The following RNLS variants were observed in gnomAD, a reference collection of about 807,000 sequenced individuals.
RNLS encodes the protein renalase.
Under a neutral mutation model 39.8 loss-of-function variants are expected in RNLS, and 39 were observed. The observed-to-expected ratio is 0.98, with a 90% confidence interval of 0.76 to 1.28. The LOEUF is 1.28. Ranked by LOEUF, RNLS falls within the 50% of genes most tolerant of loss-of-function variation. The pLI, the probability that RNLS is intolerant of heterozygous loss-of-function variation, is 0.00. For missense variants in RNLS, 410 were observed against 413.3 expected (o/e 0.99, Z 0.07); for synonymous variants, 147 against 150.7 (o/e 0.98, Z 0.18).
At chr10:88,538,939 A>G (rs777152206) in intron 4 of RNLS, among the ~76,000 whole-genome samples, 2 of 152,156 alleles carry the variant, frequency 1.3e-5, no homozygotes, top group Non-Finnish European at 2.9e-5. Context: ...TTATGACTTC[A>G]TTTTGTTTTC....
intron 4 of RNLS, among the ~76,000 whole-genome samples, chr10:88,475,305 A>G (rs1843750443): frequency 6.6e-6 from 1 of 152,220 alleles, no homozygotes; most frequent in East Asian, 1.9e-4. Context: ...ATCAAACTCA[A>G]GAGAAAGGCA....
chr10:88,257,272 G>T, the RNLS span, among the ~76,000 whole-genome samples: 1 of 152,302 alleles, frequency 6.6e-6, no homozygotes, highest in Admixed American at 6.5e-5. Context: ...TAAGTTAAAT[G>T]ATTGTAAAAC....
At chr10:88,298,177 T>TA (rs1707539265) in intron 6 of RNLS, among the ~76,000 whole-genome samples, 1 of 152,142 alleles carries the variant, frequency 6.6e-6, no homozygotes, top group Non-Finnish European at 1.5e-5. Context: ...TTGGTTTTTT[T>TA]ATTTTTATTT....
chr10:88,201,273 G>A, the RNLS span, among the ~76,000 whole-genome samples: 1 of 152,150 alleles, frequency 6.6e-6, no homozygotes, highest in Non-Finnish European at 1.5e-5. Flanking sequence ...GAAATTTTCT[G>A]ACATTCCTTC....
At chr10:88,350,329 C>G (rs1331238269) in intron 5 of RNLS, among the ~76,000 whole-genome samples, 1 of 151,980 alleles carries the variant, frequency 6.6e-6, no homozygotes, top group Non-Finnish European at 1.5e-5. Flanking sequence ...TGTGCTGCAT[C>G]CATTAACTCA....
intron 4 of RNLS, among the ~76,000 whole-genome samples, chr10:88,523,001 CCT>C (rs1328096841): frequency 6.6e-6 from 1 of 152,078 alleles, no homozygotes; most frequent in Non-Finnish European, 1.5e-5. Flanking sequence ...GTGGCATTTC[CCT>C]CTCTCTGGAC....
chr10:88,365,981 TCATCCATC>T (rs1214850958), intron 4 of RNLS, among the ~76,000 whole-genome samples: 1 of 152,106 alleles, frequency 6.6e-6, no homozygotes, highest in Non-Finnish European at 1.5e-5. Context: ...ATCAATCTAT[TCATCCATC>T]CATCCATCCA....
Position 88,334,298 on chromosome 10 carries a change from G to A in RNLS, c.701-19657C>T, listed in dbSNP as rs2133181432. On this transcript the variant is annotated intron_variant, in intron 5 of 6. Coordinates refer to ENST00000331772, the MANE Select transcript of RNLS (RefSeq NM_001031709.3). ...TTATTTTTAGTTTTCAGTTAGTTAT[G>A]TATGAGTGTGGCATTTTTGCATACA... Among the ~76,000 whole-genome samples the A allele has an allele frequency of 2.0e-5, 3 of 152,242 alleles. 1 individual carries two copies. The highest frequency in any genetic ancestry group is 6.8e-3 in the Middle Eastern group (2 of 294).
chr10:88,356,262 C>T (rs552917621), intron 5 of RNLS, among the ~76,000 whole-genome samples: 17 of 152,258 alleles, frequency 1.1e-4, no homozygotes, highest in Admixed American at 3.9e-4. Flanking sequence ...GAGATGAACC[C>T]GGTACCTCAG....
chr10:88,556,677 G>C (rs1848892834), intron 4 of RNLS, among the ~76,000 whole-genome samples: 1 of 151,968 alleles, frequency 6.6e-6, no homozygotes, highest in South Asian at 2.1e-4. Flanking sequence ...TCACTGCTTG[G>C]GGCCTTCCTA....
chr10:88,564,144 G>C (rs1000328490), intron 4 of RNLS, among the ~76,000 whole-genome samples: 1 of 152,042 alleles, frequency 6.6e-6, no homozygotes, highest in Non-Finnish European at 1.5e-5. Context: ...ATTAGAGTTT[G>C]CCTTCTTGAG....
At chr10:88,536,525 G>GAGAAGATCTTATAAGATC (rs1359778563) in intron 4 of RNLS, among the ~76,000 whole-genome samples, 67 of 152,040 alleles carry the variant, frequency 4.4e-4, no homozygotes, top group Admixed American at 1.4e-3. Context: ...ATCTTATAAT[G>GAGAAGATCTTATAAGATC]TTCTACAAGA....
chr10:88,436,364 T>C (rs1258100138), intron 4 of RNLS, among the ~76,000 whole-genome samples: 1 of 152,142 alleles, frequency 6.6e-6, no homozygotes, highest in Non-Finnish European at 1.5e-5. Context: ...AGATCCATAT[T>C]GCTACTTTCA....
chr10:88,343,628 C>T (rs1848115772), intron 5 of RNLS: 1 of 985,234 alleles, frequency 1.0e-6, no homozygotes, highest in African/African-American at 1.7e-5. Context: ...GTATTCGTTC[C>T]TTTAAAAATT....
At chr10:88,545,712 T>C (rs560851019) in intron 4 of RNLS, among the ~76,000 whole-genome samples, 11 of 152,320 alleles carry the variant, frequency 7.2e-5, no homozygotes, top group African/African-American at 2.4e-4. Flanking sequence ...TTCAGCATTA[T>C]ACTGCTATTA....
the RNLS span, among the ~76,000 whole-genome samples, chr10:88,234,013 A>G: frequency 6.7e-6 from 1 of 148,944 alleles, no homozygotes; most frequent in Non-Finnish European, 1.5e-5. Flanking sequence ...AGAGCAGCCA[A>G]CAGTGCTGCC....
chr10:88,441,122 A>G (rs958364396), intron 4 of RNLS, among the ~76,000 whole-genome samples: 1 of 152,202 alleles, frequency 6.6e-6, no homozygotes, highest in Non-Finnish European at 1.5e-5. Context: ...CGAGTGACTT[A>G]TATCCTAGTT....
At chr10:88,353,011 A>T (rs1035260157) in intron 5 of RNLS, among the ~76,000 whole-genome samples, 1 of 152,152 alleles carries the variant, frequency 6.6e-6, no homozygotes, top group African/African-American at 2.4e-5. Flanking sequence ...GTATTCTGTG[A>T]TGGTACTTGG....
At chr10:88,544,430 C>A (rs1471861261) in intron 4 of RNLS, among the ~76,000 whole-genome samples, 3 of 152,150 alleles carry the variant, frequency 2.0e-5, no homozygotes, top group Non-Finnish European at 4.4e-5. Context: ...TCAATCTTCT[C>A]TTTTATATTT....
Sources: gnomAD v4.1 joint callset for allele counts (sites outside exome capture counted in the v4.1 genomes callset) on GRCh38, gnomAD v4.1.1 for gene constraint, MANE v1.5 for transcripts, NCBI Gene and HGNC (gene_info 2026-07-23, HGNC 2026-07-21) for gene names.